RBL1: variants seen among roughly 807,000 people sequenced by gnomAD.
RBL1 encodes the protein RB transcriptional corepressor like 1, also known as retinoblastoma-like protein 1.
In RBL1, 82 loss-of-function variants were observed where a neutral mutation model predicts 123.0. That is an observed-to-expected ratio of 0.67 (90% confidence interval 0.56 to 0.80). The LOEUF (loss-of-function observed/expected upper bound fraction) is 0.80, where lower values mean the gene tolerates loss of function less well. Ranked by LOEUF, RBL1 falls within the 30% of genes least tolerant of loss-of-function variation. RBL1 has a pLI of 0.00. For synonymous variants in RBL1, 405 were observed against 441.3 expected (o/e 0.92, Z 1.03); for missense variants, 1,171 against 1,299.6 (o/e 0.90, Z 1.52).
intron 2 of RBL1, among the ~76,000 whole-genome samples, chr20:37,069,407 C>T (rs552358377): frequency 6.1e-5 from 9 of 147,778 alleles, no homozygotes; most frequent in East Asian, 2.0e-4. Context: ...ACCTCTTCCT[C>T]GCCGCCATCC....
In RBL1 at chr20:37,037,081, C is replaced by T. The variant is rs532800496; in HGVS notation, c.1904-1573G>A. Among the ~76,000 whole-genome samples the T allele has an allele frequency of 2.0e-5, 3 of 152,296 alleles. No homozygotes were observed. In the South Asian group the frequency reaches 6.2e-4, roughly 32 times the overall value. ...CTTATGAAAGCAGCTTTTACTTCTC[C>T]TGTCTTCAGTAAACAAGTGCAAATT... On this transcript the variant is annotated intron_variant, in intron 14 of 21. Transcript: ENST00000373664.
intron 2 of RBL1, among the ~76,000 whole-genome samples, chr20:37,077,101 T>A (rs776357562): frequency 6.6e-6 from 1 of 152,090 alleles, no homozygotes; most frequent in African/African-American, 2.4e-5. Context: ...CAAGCTCGGC[T>A]AATTTTTTGT....
chr20:36,998,679 G>T lies in RBL1; in HGVS notation c.*80C>A. ...CCCAGTGATATTTATCATCTATAGG[G>T]CTAAAAGGTTTGAAGGACAGAGCTC... On this transcript the variant is annotated 3_prime_UTR_variant, in exon 22 of 22. Coordinates refer to ENST00000373664, the MANE Select transcript of RBL1 (RefSeq NM_002895.5). The T allele has an allele frequency of 7.6e-7, 1 of 1,312,970 alleles. No individual in the cohort carries two copies. The highest frequency in any genetic ancestry group is 2.3e-5 in the Admixed American group (1 of 43,426). The allele number at this position is 1,312,970 out of a possible 1,614,324, so 81.3% of individuals were successfully genotyped here.
intron 15 of RBL1, 103 bp from the exon 16 acceptor site, chr20:37,032,979 G>T: frequency 7.1e-7 from 1 of 1,409,720 alleles, no homozygotes; most frequent in Non-Finnish European, 9.4e-7. Context: ...GTGTGTATAA[G>T]AAGGCTACAA....
rs758017718 is a variant in RBL1 at position 37,056,178 on chromosome 20, TGAGTA to T, written c.1326_1330del (p.Tyr442Ter). 1.1e-5 allele frequency: 17 copies of T among 1,610,592 alleles called. No homozygotes were observed. The highest frequency in any genetic ancestry group is 1.3e-5 in the African/African-American group (1 of 74,854). On this transcript the variant is annotated stop_gained and frameshift_variant, in exon 10 of 22. Coordinates refer to ENST00000373664, the MANE Select transcript of RBL1 (RefSeq NM_002895.5). LOFTEE classifies it high-confidence loss of function. ...AGATCCTGGCTGTTCATCTGTTGAT[TGAGTA>T]TAGTGTTGACAGAAAGTCTCTCCTA...
intron 11 of RBL1, among the ~76,000 whole-genome samples, chr20:37,052,306 C>G (rs902311804): frequency 1.3e-5 from 2 of 152,052 alleles, no homozygotes; most frequent in Admixed American, 6.6e-5. Context: ...GCTGGGATTA[C>G]AGGCGTGAGC....
rs900909314 is a variant in RBL1, at chr20:36,996,758, A to G, written c.*2001T>C. ...CTGGCCCATGGTTTCTTATACAGTC[A>G]ATGTACAAATGCTCATTTATATTTT... is the stretch of plus-strand genomic sequence containing the variant. On this transcript the variant is annotated 3_prime_UTR_variant, in exon 22 of 22. Transcript: ENST00000373664. The G allele has an allele frequency of 1.3e-5, 2 of 152,218 alleles. No homozygotes were observed. The highest frequency in any genetic ancestry group is 2.9e-5 in the Non-Finnish European group (2 of 68,050). 9.4% of individuals were successfully genotyped at this position (152,218 alleles called of 1,614,324 possible). A position where few individuals can be genotyped will look rare whatever the true frequency, so the allele number is the denominator to read the frequency against.
At chr20:37,078,224 C>T (rs1250799700) in intron 2 of RBL1, among the ~76,000 whole-genome samples, 1 of 152,084 alleles carries the variant, frequency 6.6e-6, no homozygotes, top group African/African-American at 2.4e-5. Flanking sequence ...TGGTATGTGC[C>T]ATGTTTTCCA....
At chr20:37,083,174 C>T (rs527910228) in intron 2 of RBL1, among the ~76,000 whole-genome samples, 7 of 151,996 alleles carry the variant, frequency 4.6e-5, no homozygotes, top group South Asian at 2.1e-4. Context: ...CACTTAAAAA[C>T]GTTTTGCGGA....
At chr20:37,014,330 T>A (rs1046305107) in intron 19 of RBL1, among the ~76,000 whole-genome samples, 28 of 152,060 alleles carry the variant, frequency 1.8e-4, no homozygotes, top group Admixed American at 3.9e-4. Flanking sequence ...CCTCCTGGCT[T>A]GGCCTCCCAA....
At chr20:37,013,902 C>T (rs920650698) in intron 19 of RBL1, among the ~76,000 whole-genome samples, 4 of 152,098 alleles carry the variant, frequency 2.6e-5, no homozygotes, top group Non-Finnish European at 4.4e-5. Context: ...GCTTTTTAAA[C>T]AGTAATTATT....
chr20:37,067,972 G>T lies in RBL1; in HGVS notation c.491+14C>A. ...ATAATCTTTATGTCAATTATATAAG[G>T]ATTAAGGGCTCACCTCTGCTTCCGG... On this transcript the variant is annotated intron_variant, in intron 3 of 21. Coordinates refer to ENST00000373664, the MANE Select transcript of RBL1 (RefSeq NM_002895.5). The T allele has an allele frequency of 6.2e-7, 1 of 1,611,630 alleles. No homozygotes were observed. The highest frequency in any genetic ancestry group is 1.1e-5 in the South Asian group (1 of 90,740).
At chr20:37,031,003 G>A (rs1301974797) in intron 16 of RBL1, among the ~76,000 whole-genome samples, 3 of 151,992 alleles carry the variant, frequency 2.0e-5, no homozygotes, top group South Asian at 4.1e-4. Context: ...CTGTGACTGC[G>A]TGACTGCACT....
chr20:37,019,767 A>G (rs2146225025), intron 18 of RBL1, among the ~76,000 whole-genome samples: 1 of 152,310 alleles, frequency 6.6e-6, no homozygotes, highest in Non-Finnish European at 1.5e-5. Context: ...AGGTTCTTGA[A>G]TGATCAAACC....
chr20:37,006,478 C>T (rs1441823658), intron 20 of RBL1, among the ~76,000 whole-genome samples: 2 of 151,446 alleles, frequency 1.3e-5, no homozygotes, highest in Non-Finnish European at 2.9e-5. Context: ...CAGGCATGAG[C>T]CACCACACCT....
chr20:37,030,168 ACCT>A, intron 16 of RBL1, among the ~76,000 whole-genome samples: 2 of 152,322 alleles, frequency 1.3e-5, no homozygotes, highest in Middle Eastern at 3.4e-3. Context: ...GAGGTCTCAC[ACCT>A]CCTGATTTTA....
intron 19 of RBL1, among the ~76,000 whole-genome samples, chr20:37,012,067 G>C (rs1471672042): frequency 6.6e-6 from 1 of 152,246 alleles, no homozygotes; most frequent in Middle Eastern, 3.2e-3. Flanking sequence ...GTTTCGCTGT[G>C]TTGGCTGGGC....
intron 3 of RBL1, among the ~76,000 whole-genome samples, chr20:37,067,782 A>C (rs78326041): frequency 0.24 from 35,052 of 143,620 alleles, 5,253 homozygotes; most frequent in African/African-American, 0.39. Context: ...AAAAAAAAAA[A>C]AAAAAAAAAC....
At chr20:37,051,103 T>C (rs962414312) in intron 11 of RBL1, among the ~76,000 whole-genome samples, 2 of 152,126 alleles carry the variant, frequency 1.3e-5, no homozygotes, top group African/African-American at 4.8e-5. Context: ...CTACACAGCA[T>C]ACATACAATA....
Sources: gnomAD v4.1 joint callset for allele counts (sites outside exome capture counted in the v4.1 genomes callset) on GRCh38, gnomAD v4.1.1 for gene constraint, MANE v1.5 for transcripts, NCBI Gene and HGNC (gene_info 2026-07-23, HGNC 2026-07-21) for gene names.